The following CACNA1C variants were observed in gnomAD, a reference collection of about 807,000 sequenced individuals.
CACNA1C encodes the protein calcium voltage-gated channel subunit alpha1 C.
A neutral mutation model predicts 229.0 loss-of-function variants in CACNA1C; 30 were observed. That is an observed-to-expected ratio of 0.13 (90% CI 0.10 to 0.18). The LOEUF is 0.18. Among genes scored for constraint, CACNA1C ranks in the 10% least tolerant of loss-of-function variants. CACNA1C has a pLI of 1.00. For synonymous variants in CACNA1C, 1,114 were observed against 1,132.5 expected, an observed-to-expected ratio of 0.98 and a Z score of 0.33; for missense variants, 1,658 against 2,845.0, an observed-to-expected ratio of 0.58 and a Z score of 9.49.
intron 3 of CACNA1C, among the ~76,000 whole-genome samples, chr12:2,273,929 G>A (rs745431520): frequency 2.0e-5 from 3 of 152,200 alleles, no homozygotes; most frequent in Non-Finnish European, 4.4e-5. Context: ...CTGATGGGTG[G>A]CTGTTGACCG....
intron 2 of CACNA1C, among the ~76,000 whole-genome samples, chr12:2,118,404 C>T (rs546204635): frequency 3.3e-5 from 5 of 152,236 alleles, no homozygotes; most frequent in African/African-American, 7.2e-5. Flanking sequence ...CAAGAGGTGG[C>T]GTGGTAGGAG....
intron 1 of CACNA1C, among the ~76,000 whole-genome samples, chr12:2,100,566 A>G (rs543473910): frequency 7.0e-6 from 1 of 142,314 alleles, no homozygotes; most frequent in South Asian, 2.3e-4. Flanking sequence ...CCTGGGCAAC[A>G]TAGCCCTGTT....
At chr12:2,518,586 C>T (rs1447308737) in intron 9 of CACNA1C, among the ~76,000 whole-genome samples, 4 of 148,398 alleles carry the variant, frequency 2.7e-5, no homozygotes, top group Non-Finnish European at 5.9e-5. Context: ...CCAGCCTGGG[C>T]GACAGAGCCA....
chr12:2,137,611 T>G (rs2093674786), intron 3 of CACNA1C, among the ~76,000 whole-genome samples: 1 of 151,260 alleles, frequency 6.6e-6, no homozygotes, highest in Admixed American at 6.6e-5. Context: ...AAGTGCCATA[T>G]AAACATAGAG....
At chr12:2,250,290 G>A (rs552562021) in intron 3 of CACNA1C, among the ~76,000 whole-genome samples, 18 of 152,272 alleles carry the variant, frequency 1.2e-4, no homozygotes, top group South Asian at 8.3e-4. Context: ...ACCCTGGGCC[G>A]TTCACCTCCC....
intron 3 of CACNA1C, among the ~76,000 whole-genome samples, chr12:2,182,131 CAAAAAA>C (rs56365126): frequency 4.6e-5 from 4 of 86,698 alleles, no homozygotes; most frequent in East Asian, 6.9e-4. Context: ...TTTCTGTCTG[CAAAAAA>C]AAAAAAAAAA....
rs2091933857 is a variant in CACNA1C at position 2,634,332 on chromosome 12, C to A, written c.3864C>A (p.Ala1288=). ...YFCDAWNTFD[A]LIVVGSIVDI... ...GTGATGCATGGAATACATTTGACGC[C>A]TTGATTGTTGTGGGTAGCATTGTTG... The change falls in exon 30 of 47, where the codon GCC becomes GCA. Residue 1288 remains alanine (A), a synonymous_variant. Transcript: ENST00000399655. 2.5e-6 allele frequency: 4 copies of A among 1,583,608 alleles called. No individual in the cohort carries two copies. The highest frequency in any genetic ancestry group is 3.4e-6 in the Non-Finnish European group (4 of 1,162,780).
At chr12:2,589,351 G>A (rs1024197027) in intron 18 of CACNA1C, among the ~76,000 whole-genome samples, 1 of 152,248 alleles carries the variant, frequency 6.6e-6, no homozygotes, top group African/African-American at 2.4e-5. Context: ...TGTGTGGTCA[G>A]CAAAGGCTTC....
Position 2,566,336 on chromosome 12 carries a change from G to A in CACNA1C, c.1509-86G>A, listed in dbSNP as rs961665010. On this transcript the variant is annotated intron_variant, in intron 11 of 46. Coordinates refer to ENST00000399655, the MANE Select transcript of CACNA1C (RefSeq NM_000719.7). This position sits in a 1 kb window ranked among gnomAD's most constrained non-coding sequence, Gnocchi z 4.0. ...TAGCAAGGCCAGATCAGTGAGGGGC[G>A]AGAAGAGCCATGGTGCTGCATCTTG... 2.2e-5 allele frequency: 28 copies of A among 1,256,176 alleles called. No homozygotes were observed. Among genetic ancestry groups the A allele is most frequent in the Admixed American group, 6.7e-5 (3 of 44,746 alleles). 77.8% of individuals were successfully genotyped at this position (1,256,176 alleles called of 1,614,324 possible). A position where few individuals can be genotyped will look rare whatever the true frequency, so the allele number is the denominator to read the frequency against.
At chr12:1,979,592 G>A (rs181765241) in intron 1 of CACNA1C, among the ~76,000 whole-genome samples, 46 of 152,368 alleles carry the variant, frequency 3.0e-4, no homozygotes, top group South Asian at 8.3e-4. Flanking sequence ...GATTACAGGC[G>A]TGAGCCACCG....
rs182522981 is a variant in CACNA1C at position 2,375,519 on chromosome 12, C to T, written c.478-73457C>T. Among the ~76,000 whole-genome samples the T allele has an allele frequency of 1.4e-4, 22 of 152,330 alleles. No homozygotes were observed. In the East Asian group the frequency reaches 1.9e-3, roughly 13 times the overall value. On this transcript the variant is annotated intron_variant, in intron 3 of 46. Transcript: ENST00000399655. ...CTGGAGGTCCCCAACGTTACACTCACTGATACCATTCTATGATTTACAAAG... is the reference window on the plus strand; with the variant it reads ...CTGGAGGTCCCCAACGTTACACTCATTGATACCATTCTATGATTTACAAAG...
chr12:2,441,790 A>G (rs2099229957), intron 3 of CACNA1C, among the ~76,000 whole-genome samples: 1 of 152,140 alleles, frequency 6.6e-6, no homozygotes, highest in Admixed American at 6.5e-5. Flanking sequence ...TTTTGTGTGT[A>G]TTCTCTGTCC....
intron 25 of CACNA1C, 24 bp from the exon 26 acceptor site, chr12:2,606,960 A>G: frequency 6.2e-7 from 1 of 1,611,442 alleles, no homozygotes; most frequent in Non-Finnish European, 8.5e-7. Flanking sequence ...ATCCCAGAGT[A>G]AACTCCTTCT....
intron 3 of CACNA1C, among the ~76,000 whole-genome samples, chr12:2,447,188 A>C (rs147180611): frequency 0.011 from 1,635 of 152,254 alleles, 16 homozygotes; most frequent in Non-Finnish European, 0.015. Flanking sequence ...TTCTTCTTCA[A>C]CATTGCCCTG....
chr12:2,293,983 ATTG>A (rs1481786533), intron 3 of CACNA1C, among the ~76,000 whole-genome samples: 8 of 152,190 alleles, frequency 5.3e-5, no homozygotes, highest in Admixed American at 6.5e-5. Flanking sequence ...TAATATATTA[ATTG>A]AATCATTTAT....
At chr12:2,499,260 C>T (rs1458171979) in intron 7 of CACNA1C, among the ~76,000 whole-genome samples, 1 of 152,198 alleles carries the variant, frequency 6.6e-6, no homozygotes, top group Non-Finnish European at 1.5e-5. Context: ...CAGATCCTGT[C>T]CCCCAGTGAC....
At position 2,450,647 on chromosome 12, in the gene CACNA1C, C is replaced by T. The variant is rs151269348; in HGVS notation, c.617+1532C>T. On this transcript the variant is annotated intron_variant, in intron 4 of 46. Coordinates refer to ENST00000399655, the MANE Select transcript of CACNA1C (RefSeq NM_000719.7). The stretch of plus-strand genomic sequence containing the variant: ...AGGGAGCCCATTGCAGCAGATTTTA[C>T]CTTGAGAAGAAGCCGGTTCCTTTGG... 7.2e-3 allele frequency among the ~76,000 whole-genome samples: 1,077 copies of T among 149,400 alleles called. 9 individuals are homozygous for T. Among genetic ancestry groups the T allele is most frequent in the Non-Finnish European group, 0.012 (796 of 67,636 alleles).
In CACNA1C at chr12:2,602,609, G is replaced by A; in HGVS notation, c.2960+649G>A. On this transcript the variant is annotated intron_variant, in intron 22 of 46. Coordinates refer to ENST00000399655, the MANE Select transcript of CACNA1C (RefSeq NM_000719.7). This position sits in a 1 kb window ranked among gnomAD's most constrained non-coding sequence, Gnocchi z 4.4. The stretch of plus-strand genomic sequence containing the variant: ...TGTATGTGTGAGTGCATGTATGTGT[G>A]TGACTGTGTATATTTGTGTCTTGTG... Among the ~76,000 whole-genome samples the A allele has an allele frequency of 6.8e-6, 1 of 146,712 alleles. No homozygotes were observed. Among genetic ancestry groups the A allele is most frequent in the Non-Finnish European group, 1.5e-5 (1 of 66,716 alleles).
chr12:2,684,706 G>A (rs377424667), intron 43 of CACNA1C, among the ~76,000 whole-genome samples: 13 of 152,280 alleles, frequency 8.5e-5, no homozygotes, highest in African/African-American at 2.2e-4. Context: ...CTGGTACCAC[G>A]CACAAGGTGA....
Sources: allele counts gnomAD v4.1 joint callset (sites outside exome capture counted in the v4.1 genomes callset), GRCh38; gene constraint gnomAD v4.1.1; non-coding constraint Gnocchi (gnomAD v3.1); transcripts MANE v1.5; gene names NCBI Gene and HGNC (gene_info 2026-07-23, HGNC 2026-07-21).